LVRN: variants seen among roughly 807,000 people sequenced by gnomAD.
The protein encoded by LVRN is laeverin.
Under a neutral mutation model 111.4 loss-of-function variants are expected in LVRN, and 99 were observed. That is an observed-to-expected ratio of 0.89 (90% CI 0.76 to 1.05). LVRN has a LOEUF of 1.05. Ranked by LOEUF, LVRN falls within the 50% of genes least tolerant of loss-of-function variation. The pLI, the probability that LVRN is intolerant of heterozygous loss-of-function variation, is 0.00. For synonymous variants in LVRN, 488 were observed against 449.5 expected (o/e 1.09, Z -1.08); for missense variants, 1,414 against 1,206.8 (o/e 1.17, Z -2.54).
chr5:115,980,924 C>G (rs1419283975), intron 1 of LVRN, among the ~76,000 whole-genome samples: 3 of 152,056 alleles, frequency 2.0e-5, no homozygotes, highest in Admixed American at 1.3e-4. Context: ...TGCTGGATAT[C>G]TTAATCTCTC....
chr5:116,021,616 A>T (rs541369695), intron 18 of LVRN: 79 of 323,616 alleles, frequency 2.4e-4, no homozygotes, highest in Non-Finnish European at 4.0e-4. Flanking sequence ...TTTTTGAAGT[A>T]AATCAATTGT....
intron 1 of LVRN, among the ~76,000 whole-genome samples, chr5:115,970,466 T>G (rs1753300919): frequency 6.8e-6 from 1 of 147,572 alleles, no homozygotes. Flanking sequence ...CACTGCAACC[T>G]CCACCTCATG....
At chr5:116,005,303 C>A (rs991109513) in intron 12 of LVRN, among the ~76,000 whole-genome samples, 1 of 152,178 alleles carries the variant, frequency 6.6e-6, no homozygotes, top group Non-Finnish European at 1.5e-5. Context: ...AGGCCTTGGG[C>A]CCCCTTAGGG....
chr5:115,977,818 A>C (rs1054344095), intron 1 of LVRN, among the ~76,000 whole-genome samples: 3 of 152,164 alleles, frequency 2.0e-5, no homozygotes, highest in Non-Finnish European at 4.4e-5. Flanking sequence ...TTTGTAATTT[A>C]ATGAGAGAAC....
chr5:116,015,354 CAAAG>C lies in LVRN; in HGVS notation c.2556_2559del (p.Glu853LysfsTer9). 1 of 1,611,438 alleles carries C rather than the reference CAAAG, an allele frequency of 6.2e-7. No homozygotes were observed. The highest frequency in any genetic ancestry group is 1.1e-5 in the South Asian group (1 of 90,454). On this transcript the variant is annotated frameshift_variant, in exon 17 of 20. Coordinates refer to ENST00000357872, the MANE Select transcript of LVRN (RefSeq NM_173800.5). LOFTEE classifies it high-confidence loss of function. The stretch of plus-strand genomic sequence containing the variant: ...TAAATACTTACACTAATACAACAAA[CAAAG>C]AAGAAAAGATTCAACTTGCTTATGC...
intron 4 of LVRN, among the ~76,000 whole-genome samples, chr5:115,991,622 A>T (rs546968722): frequency 1.2e-4 from 19 of 152,254 alleles, no homozygotes; most frequent in African/African-American, 4.3e-4. Flanking sequence ...TTGCATCCCC[A>T]CGAGCAATGA....
At chr5:116,008,091 C>G (rs1229870619) in intron 13 of LVRN, among the ~76,000 whole-genome samples, 5 of 152,134 alleles carry the variant, frequency 3.3e-5, no homozygotes. Flanking sequence ...CCTGTAATCC[C>G]AGCACTTTGG....
At chr5:116,015,816 TG>T (rs1748593502) in intron 18 of LVRN, 51 bp downstream of exon 18, 1 of 1,597,994 alleles carries the variant, frequency 6.3e-7, no homozygotes, top group African/African-American at 1.3e-5. Flanking sequence ...GGTTTGGCAC[TG>T]GAAGCTCAGC....
At chr5:116,015,803 A>G in intron 18 of LVRN, 38 bp downstream of exon 18, 1 of 1,605,294 alleles carries the variant, frequency 6.2e-7, no homozygotes, top group Non-Finnish European at 8.5e-7. Context: ...CATTTAGGCC[A>G]CTGGTTTGGC....
intron 12 of LVRN, among the ~76,000 whole-genome samples, chr5:116,004,890 T>C (rs552034464): frequency 3.4e-4 from 51 of 152,176 alleles, no homozygotes; most frequent in Non-Finnish European, 6.5e-4. Flanking sequence ...TAAAACAAAT[T>C]AATGGGATTT....
chr5:116,013,394 T>C (rs1398285051), intron 15 of LVRN, among the ~76,000 whole-genome samples: 1 of 152,116 alleles, frequency 6.6e-6, no homozygotes, highest in Non-Finnish European at 1.5e-5. Flanking sequence ...GGCAGCACAT[T>C]TGTTAACCAG....
At chr5:116,024,238 C>T (rs991515264) in intron 19 of LVRN, among the ~76,000 whole-genome samples, 3 of 151,668 alleles carry the variant, frequency 2.0e-5, no homozygotes, top group African/African-American at 4.8e-5. Context: ...AATTAAATCC[C>T]GATAAAATTG....
chr5:115,980,846 C>T (rs1005813963), intron 1 of LVRN, among the ~76,000 whole-genome samples: 3 of 152,056 alleles, frequency 2.0e-5, no homozygotes, highest in Admixed American at 6.6e-5. Flanking sequence ...CTCCTGAAGG[C>T]CATGCATGAA....
chr5:116,024,486 C>G (rs1748821372), intron 19 of LVRN, among the ~76,000 whole-genome samples: 1 of 152,072 alleles, frequency 6.6e-6, no homozygotes, highest in Non-Finnish European at 1.5e-5. Flanking sequence ...TTTTGGCCTG[C>G]CTAAGGCTGA....
intron 6 of LVRN, among the ~76,000 whole-genome samples, chr5:115,999,330 T>G (rs2112599463): frequency 6.6e-6 from 1 of 152,336 alleles, no homozygotes; most frequent in South Asian, 2.1e-4. Flanking sequence ...AGCATCTTTG[T>G]GAGTTTGTAG....
At chr5:116,007,250 T>A (rs1346373266) in intron 13 of LVRN, among the ~76,000 whole-genome samples, 1 of 152,220 alleles carries the variant, frequency 6.6e-6, no homozygotes, top group Non-Finnish European at 1.5e-5. Flanking sequence ...CAGAGTACCT[T>A]TCCACCTAAT....
chr5:115,966,110 C>T (rs1001169948), intron 1 of LVRN, among the ~76,000 whole-genome samples: 10 of 152,148 alleles, frequency 6.6e-5, no homozygotes, highest in Non-Finnish European at 1.3e-4. Flanking sequence ...ATATATATGT[C>T]TTTGTGTCAT....
chr5:115,987,968 T>A, intron 4 of LVRN, 29 bp downstream of exon 4: 2 of 1,599,390 alleles, frequency 1.3e-6, no homozygotes, highest in Non-Finnish European at 1.7e-6. Context: ...TTCAGTGCAT[T>A]TGGTTTCCTG....
intron 7 of LVRN, 22 bp downstream of exon 7, chr5:115,999,924 C>T (rs574642437): frequency 8.1e-6 from 13 of 1,598,282 alleles, no homozygotes; most frequent in African/African-American, 1.4e-5. Context: ...TAGAAATTTC[C>T]TTTGGTTTTG....
Sources: gnomAD v4.1 joint callset for allele counts (sites outside exome capture counted in the v4.1 genomes callset) on GRCh38, gnomAD v4.1.1 for gene constraint, MANE v1.5 for transcripts, NCBI Gene and HGNC (gene_info 2026-07-23, HGNC 2026-07-21) for gene names.